The following HPSE2 variants were observed in gnomAD, a reference collection of about 807,000 sequenced individuals.
HPSE2 encodes heparanase 2 (inactive).
A neutral mutation model predicts 60.5 loss-of-function variants in HPSE2; 38 were observed. That is an observed-to-expected ratio of 0.63 (90% CI 0.48 to 0.82). The LOEUF (loss-of-function observed/expected upper bound fraction) is 0.82. HPSE2 is among the 40% of genes least tolerant of loss of function. The pLI is 0.00. For missense variants in HPSE2, 713 were observed against 740.4 expected (o/e 0.96, Z 0.43); for synonymous variants, 295 against 293.2 (o/e 1.01, Z -0.06).
chr10:98,895,357 G>A (rs1953456626), intron 3 of HPSE2, among the ~76,000 whole-genome samples: 1 of 152,126 alleles, frequency 6.6e-6, no homozygotes, highest in Admixed American at 6.5e-5. Flanking sequence ...GTTAGCCAGA[G>A]TTTCTATGAT....
At chr10:99,134,030 T>C (rs1004491347) in intron 3 of HPSE2, among the ~76,000 whole-genome samples, 6 of 152,092 alleles carry the variant, frequency 3.9e-5, no homozygotes, top group Admixed American at 2.0e-4. Context: ...AGAACATAAA[T>C]GACCTGATGG....
At chr10:99,277,159 G>T in the HPSE2 span, among the ~76,000 whole-genome samples, 1 of 152,096 alleles carries the variant, frequency 6.6e-6, no homozygotes, top group African/African-American at 2.4e-5. Flanking sequence ...AAGATATCCC[G>T]TGGGGATATA....
intron 3 of HPSE2, among the ~76,000 whole-genome samples, chr10:98,960,645 A>G (rs192781807): frequency 6.8e-6 from 1 of 146,474 alleles, no homozygotes; most frequent in Non-Finnish European, 1.5e-5. Flanking sequence ...CCTTGTTTGT[A>G]TATCTAATAC....
chr10:98,672,290 T>C (rs1947526402), intron 6 of HPSE2, among the ~76,000 whole-genome samples: 2 of 152,326 alleles, frequency 1.3e-5, no homozygotes, highest in African/African-American at 2.4e-5. Context: ...ACCACAGTTA[T>C]GCTGCCATCT....
intron 3 of HPSE2, among the ~76,000 whole-genome samples, chr10:99,137,315 C>T (rs1344566606): frequency 6.6e-6 from 1 of 152,266 alleles, no homozygotes; most frequent in East Asian, 1.9e-4. Flanking sequence ...GGCCATACTG[C>T]CCAAAGTAAT....
chr10:98,850,822 TA>T (rs1179014725), intron 3 of HPSE2, among the ~76,000 whole-genome samples: 1 of 150,510 alleles, frequency 6.6e-6, no homozygotes, highest in Admixed American at 6.6e-5. Flanking sequence ...TTTGATGCAA[TA>T]GCTGCAAACT....
At chr10:99,101,634 C>G (rs1013455168) in intron 3 of HPSE2, among the ~76,000 whole-genome samples, 3 of 152,194 alleles carry the variant, frequency 2.0e-5, no homozygotes, top group Non-Finnish European at 4.4e-5. Context: ...CCAAGTGGAC[C>G]TAATAGACAT....
intron 9 of HPSE2, among the ~76,000 whole-genome samples, chr10:98,587,799 C>G (rs1325737675): frequency 6.6e-6 from 1 of 152,202 alleles, no homozygotes; most frequent in Non-Finnish European, 1.5e-5. Context: ...CTAACATTCT[C>G]TGGTTGATTT....
intron 3 of HPSE2, among the ~76,000 whole-genome samples, chr10:98,952,310 T>TTGTG (rs1196964563): frequency 9.8e-6 from 1 of 102,502 alleles, no homozygotes; most frequent in African/African-American, 3.6e-5. Flanking sequence ...TCAAAAGAAT[T>TTGTG]TGTTTGTGTG....
intron 9 of HPSE2, among the ~76,000 whole-genome samples, chr10:98,529,495 C>CA (rs1943069576): frequency 6.6e-6 from 1 of 152,172 alleles, no homozygotes; most frequent in Non-Finnish European, 1.5e-5. Context: ...GAGAAAAGCA[C>CA]AGTCAGGCAA....
At chr10:98,955,260 A>C (rs1955476357) in intron 3 of HPSE2, among the ~76,000 whole-genome samples, 1 of 152,176 alleles carries the variant, frequency 6.6e-6, no homozygotes, top group Non-Finnish European at 1.5e-5. Context: ...CAAATTTACA[A>C]GAGAAAAACA....
At chr10:99,170,974 T>C (rs1422970248) in intron 2 of HPSE2, among the ~76,000 whole-genome samples, 1 of 152,276 alleles carries the variant, frequency 6.6e-6, no homozygotes, top group East Asian at 1.9e-4. Flanking sequence ...ATCTAGAGAT[T>C]ATTTGAAGTA....
At chr10:98,592,267 G>C (rs1945111258) in intron 9 of HPSE2, among the ~76,000 whole-genome samples, 1 of 152,188 alleles carries the variant, frequency 6.6e-6, no homozygotes, top group Non-Finnish European at 1.5e-5. Context: ...CAATGGGTAT[G>C]ATTTCATATT....
chr10:98,849,926 T>C (rs1332413736), intron 3 of HPSE2, among the ~76,000 whole-genome samples: 1 of 152,132 alleles, frequency 6.6e-6, no homozygotes, highest in African/African-American at 2.4e-5. Flanking sequence ...GTATTTTTAG[T>C]AGAGACGGGG....
chr10:98,682,171 CTCCCAAGATCTGGTTGTTGAAA>C (rs1947802951), intron 6 of HPSE2, among the ~76,000 whole-genome samples: 1 of 152,126 alleles, frequency 6.6e-6, no homozygotes, highest in Non-Finnish European at 1.5e-5. Flanking sequence ...TTAGGGATTT[CTCCCAAGATCTGGTTGTTGAAA>C]AGTGTGTGGC....
chr10:98,656,843 C>A (rs573131330), intron 6 of HPSE2, among the ~76,000 whole-genome samples: 33 of 150,282 alleles, frequency 2.2e-4, no homozygotes, highest in African/African-American at 7.8e-4. Flanking sequence ...CTCACTGCAA[C>A]CTCCGTCTCC....
At chr10:99,309,957 G>T in the HPSE2 span, among the ~76,000 whole-genome samples, 1 of 152,210 alleles carries the variant, frequency 6.6e-6, no homozygotes, top group East Asian at 1.9e-4. Flanking sequence ...AGTTTGGGAA[G>T]CCAGAAGTCT....
chr10:98,649,644 A>C lies in HPSE2; in HGVS notation c.1005-7704T>G, dbSNP rs918544421. Among the ~76,000 whole-genome samples the C allele has an allele frequency of 3.3e-5, 5 of 152,290 alleles. No individual in the cohort carries two copies. The East Asian group carries it at 9.6e-4, about 29-fold the overall frequency. On this transcript the variant is annotated intron_variant, in intron 6 of 11. Coordinates refer to ENST00000370552, the MANE Select transcript of HPSE2 (RefSeq NM_021828.5). ...AAACAAAACAATTACCACAAAACCAACCCAAAACAGTAACAAAAGCAAAAA... is the reference window on the plus strand; with the variant it reads ...AAACAAAACAATTACCACAAAACCACCCCAAAACAGTAACAAAAGCAAAAA...
At chr10:98,983,706 C>T (rs1470571852) in intron 3 of HPSE2, among the ~76,000 whole-genome samples, 6 of 152,280 alleles carry the variant, frequency 3.9e-5, no homozygotes, top group East Asian at 1.9e-4. Context: ...TCGCCTCACC[C>T]GGGAAGTGCA....
Sources: gnomAD v4.1 joint callset for allele counts (sites outside exome capture counted in the v4.1 genomes callset) on GRCh38, gnomAD v4.1.1 for gene constraint, MANE v1.5 for transcripts, NCBI Gene and HGNC (gene_info 2026-07-23, HGNC 2026-07-21) for gene names.